Variants in ELOVL4 observed in about 807,000 individuals in gnomAD.
ELOVL4 encodes ELOVL fatty acid elongase 4.
In ELOVL4, 18 loss-of-function variants were observed where a neutral mutation model predicts 42.1. The observed-to-expected ratio is 0.43, with a 90% CI of 0.30 to 0.63. The LOEUF is 0.63. Among genes scored for constraint, ELOVL4 ranks in the 30% least tolerant of loss-of-function variants. The pLI is 0.15. For missense variants in ELOVL4, 299 were observed against 376.2 expected, an observed-to-expected ratio of 0.79 and a Z score of 1.70; for synonymous variants, 117 against 127.0, an observed-to-expected ratio of 0.92 and a Z score of 0.53.
intron 1 of ELOVL4, among the ~76,000 whole-genome samples, chr6:79,939,917 G>C (rs1774618269): frequency 6.6e-6 from 1 of 152,166 alleles, no homozygotes; most frequent in African/African-American, 2.4e-5. Context: ...CTATGTTGTA[G>C]CACATGTCAG....
intron 1 of ELOVL4, among the ~76,000 whole-genome samples, chr6:79,939,496 TTGAC>T (rs1774605301): frequency 1.4e-5 from 2 of 147,806 alleles, no homozygotes. Context: ...TTCTATTAAT[TTGAC>T]TACTTTATTT....
intron 1 of ELOVL4, among the ~76,000 whole-genome samples, chr6:79,929,047 G>T (rs541654553): frequency 9.2e-5 from 14 of 151,830 alleles, no homozygotes; most frequent in African/African-American, 3.4e-4. Context: ...CTGCTACTGT[G>T]CATAGGACCT....
intron 4 of ELOVL4, among the ~76,000 whole-genome samples, chr6:79,920,913 G>A (rs558778332): frequency 1.3e-5 from 2 of 152,188 alleles, no homozygotes; most frequent in East Asian, 1.9e-4. Flanking sequence ...TGGAGCATTT[G>A]GATTTCAGAT....
intron 1 of ELOVL4, among the ~76,000 whole-genome samples, chr6:79,937,820 T>G (rs929808067): frequency 3.9e-5 from 6 of 152,234 alleles, no homozygotes; most frequent in African/African-American, 9.6e-5. Flanking sequence ...AATATCTAAC[T>G]TATAGAGATG....
chr6:79,921,739 CTG>C lies in ELOVL4; in HGVS notation c.425_426del (p.Thr142SerfsTer32), dbSNP rs1263687624. ...TTTTTCTTTCTCAGAATAAAAAACA[CTG>C]TGTCCAAATACTCAACTCCTTTAGA... is the stretch of plus-strand genomic sequence containing the variant. ...FVSKGVEYLD[T>X]VFFILRKKNN... is the part of the protein sequence containing the mutation. On this transcript the variant is annotated frameshift_variant, in exon 4 of 6. Transcript: ENST00000369816. LOFTEE classifies it high-confidence loss of function. 6.2e-7 allele frequency: 1 copy of C among 1,614,050 alleles called. No individual in the cohort carries two copies. Among genetic ancestry groups the C allele is most frequent in the Non-Finnish European group, 8.5e-7 (1 of 1,179,976 alleles).
At chr6:79,944,429 G>T (rs761075108) in intron 1 of ELOVL4, among the ~76,000 whole-genome samples, 8 of 152,104 alleles carry the variant, frequency 5.3e-5, no homozygotes, top group Non-Finnish European at 1.2e-4. Context: ...CGTTCAAAAT[G>T]TCTACAAATA....
chr6:79,918,654 G>A (rs1774199630), intron 5 of ELOVL4, among the ~76,000 whole-genome samples: 1 of 152,188 alleles, frequency 6.6e-6, no homozygotes, highest in South Asian at 2.1e-4. Context: ...CACATGCTAT[G>A]ATTAAAGCAA....
chr6:79,939,390 C>G (rs151668), intron 1 of ELOVL4, among the ~76,000 whole-genome samples: 10,854 of 152,138 alleles, frequency 0.071, 1,253 homozygotes, highest in African/African-American at 0.25. Flanking sequence ...CTCTCTGGAA[C>G]TTTTCTATCT....
intron 1 of ELOVL4, among the ~76,000 whole-genome samples, chr6:79,933,724 G>A (rs1180279987): frequency 1.3e-5 from 2 of 152,156 alleles, no homozygotes; most frequent in Non-Finnish European, 2.9e-5. Context: ...ATCTCTGCGG[G>A]TGGGACTGGA....
intron 2 of ELOVL4, 45 bp from the exon 3 acceptor site, chr6:79,925,077 C>T (rs749413731): frequency 7.9e-7 from 1 of 1,261,222 alleles, no homozygotes; most frequent in Non-Finnish European, 1.2e-6. Context: ...TTAGTAAACA[C>T]AGCATTAAAA....
At position 79,916,629 on chromosome 6, in the gene ELOVL4, A is replaced by G. The variant is rs528228676; in HGVS notation, c.924T>C (p.Asn308=). 3.8e-5 allele frequency: 61 copies of G among 1,613,384 alleles called. No homozygotes were observed. In the South Asian group the frequency reaches 4.8e-4, roughly 13 times the overall value. ...CAATTTAATCTCCTTTTGCTTTTCC[A>G]TTTTTCTGCTTTTTTCCATTTTCTA... is the stretch of plus-strand genomic sequence containing the variant. ...LMIENGKKQK[N]GKAKGD is the part of the protein sequence containing the mutation. The change falls in exon 6 of 6, where the codon AAT becomes AAC. Residue 308 remains asparagine (N), a synonymous_variant. Coordinates refer to ENST00000369816, the MANE Select transcript of ELOVL4 (RefSeq NM_022726.4).
intron 1 of ELOVL4, among the ~76,000 whole-genome samples, chr6:79,933,864 G>A (rs1774498169): frequency 6.6e-6 from 1 of 152,180 alleles, no homozygotes; most frequent in Admixed American, 6.5e-5. Flanking sequence ...TAGATACGAA[G>A]GTTTCGTGGG....
At chr6:79,928,145 T>G (rs552138511) in intron 1 of ELOVL4, among the ~76,000 whole-genome samples, 1 of 152,244 alleles carries the variant, frequency 6.6e-6, no homozygotes, top group Non-Finnish European at 1.5e-5. Context: ...ACCCCCTATA[T>G]TAGAGAAGAA....
intron 1 of ELOVL4, among the ~76,000 whole-genome samples, chr6:79,935,314 T>C (rs564473797): frequency 6.6e-6 from 1 of 152,248 alleles, no homozygotes; most frequent in East Asian, 1.9e-4. Context: ...GAATGAACTA[T>C]CTTCCCCAAG....
intron 4 of ELOVL4, among the ~76,000 whole-genome samples, chr6:79,921,304 AC>A (rs1774249469): frequency 6.6e-6 from 1 of 151,708 alleles, no homozygotes; most frequent in Non-Finnish European, 1.5e-5. Flanking sequence ...TACTAAAAAT[AC>A]AAAAAATTAG....
chr6:79,916,566 A>C lies in ELOVL4; in HGVS notation c.*42T>G, dbSNP rs1163581218. ...TCCCTGAAATTTTATATGATATGGG[A>C]GTTTTTCCTCACTGTCAACAACAGT... On this transcript the variant is annotated 3_prime_UTR_variant, in exon 6 of 6. Coordinates refer to ENST00000369816, the MANE Select transcript of ELOVL4 (RefSeq NM_022726.4). 1.2e-6 allele frequency: 2 copies of C among 1,610,300 alleles called. No homozygotes were observed. The highest frequency in any genetic ancestry group is 1.7e-5 in the Admixed American group (1 of 59,976).
intron 3 of ELOVL4, among the ~76,000 whole-genome samples, chr6:79,922,801 A>G (rs1457473765): frequency 1.3e-5 from 2 of 152,196 alleles, no homozygotes; most frequent in Non-Finnish European, 2.9e-5. Context: ...TGCATTTGAA[A>G]AACAAAATTA....
At chr6:79,945,786 G>A (rs1774730478) in intron 1 of ELOVL4, among the ~76,000 whole-genome samples, 1 of 148,484 alleles carries the variant, frequency 6.7e-6, no homozygotes, top group African/African-American at 2.5e-5. Flanking sequence ...CAGTGTAATA[G>A]CGCATAGAAA....
rs141661897 is a variant in ELOVL4 at position 79,940,742 on chromosome 6, C to T, written c.100+6438G>A. ...AGAGTCATGAATAACTTGCCTAAAACGACATAATATGCCATCCTCAAAAGC... is the reference window on the plus strand; with the variant it reads ...AGAGTCATGAATAACTTGCCTAAAATGACATAATATGCCATCCTCAAAAGC... On this transcript the variant is annotated intron_variant, in intron 1 of 5. Transcript: ENST00000369816. 2.8e-3 allele frequency among the ~76,000 whole-genome samples: 433 copies of T among 152,022 alleles called. 5 individuals carry two copies. Among genetic ancestry groups the T allele is most frequent in the African/African-American group, 9.9e-3 (412 of 41,460 alleles).
Sources: allele counts gnomAD v4.1 joint callset (sites outside exome capture counted in the v4.1 genomes callset), GRCh38; gene constraint gnomAD v4.1.1; transcripts MANE v1.5; gene names NCBI Gene and HGNC (gene_info 2026-07-23, HGNC 2026-07-21).